RAB9A: variants seen among roughly 807,000 people sequenced by gnomAD.
RAB9A encodes the protein ras-related protein Rab-9A.
RAB9A carries 1 observed loss-of-function variant against 10.3 expected under a neutral mutation model. The observed-to-expected ratio is 0.10, with a 90% confidence interval of 0.03 to 0.46. RAB9A has a LOEUF of 0.46. RAB9A is among the 20% of genes least tolerant of loss of function. RAB9A has a pLI of 0.96. For synonymous variants in RAB9A, 39 were observed against 55.2 expected (o/e 0.71, Z 1.30); for missense variants, 92 against 150.3 (o/e 0.61, Z 2.03).
chrX:13,705,128 A>G (rs2146753811), intron 2 of RAB9A, among the ~76,000 whole-genome samples: 1 of 112,088 alleles, frequency 8.9e-6, no homozygotes, highest in Non-Finnish European at 1.9e-5. Flanking sequence ...TTTTAAAGAA[A>G]AAATAATATT....
At chrX:13,693,673 C>A (rs773492763) in intron 1 of RAB9A, among the ~76,000 whole-genome samples, 3 of 112,036 alleles carry the variant, frequency 2.7e-5, no homozygotes, top group Admixed American at 9.4e-5. Context: ...ATGGTGAGTT[C>A]AGGCGTTGTT....
In RAB9A at chrX:13,689,165, C is replaced by G. The variant is rs1203256767; in HGVS notation, c.-239C>G. On this transcript the variant is annotated 5_prime_UTR_variant, in exon 1 of 3. Coordinates refer to ENST00000464506, the MANE Select transcript of RAB9A (RefSeq NM_004251.5). ...CCGCGCTGGACGGGAGCAGCTGGAGCGGGAGCCTGGCTGCGCTACCGCGGC... is the reference window on the plus strand; with the variant it reads ...CCGCGCTGGACGGGAGCAGCTGGAGGGGGAGCCTGGCTGCGCTACCGCGGC... 1 of 113,203 alleles carries G rather than the reference C, an allele frequency of 8.8e-6. No homozygotes were observed. Among genetic ancestry groups the G allele is most frequent in the Non-Finnish European group, 1.9e-5 (1 of 53,314 alleles). 9.3% of individuals were successfully genotyped at this position (113,203 alleles called of 1,213,427 possible).
At chrX:13,702,936 CA>C in intron 1 of RAB9A, among the ~76,000 whole-genome samples, 1 of 112,062 alleles carries the variant, frequency 8.9e-6, no homozygotes, top group Non-Finnish European at 1.9e-5. Context: ...ATCGTTCTAC[CA>C]AATGGTAAGC....
intron 1 of RAB9A, among the ~76,000 whole-genome samples, chrX:13,690,035 C>G (rs1436974300): frequency 9.4e-6 from 1 of 106,052 alleles, no homozygotes; most frequent in Non-Finnish European, 1.9e-5. Flanking sequence ...AACTTTTCTG[C>G]TAGTTTCCAA....
chrX:13,699,675 C>G (rs1344135337), intron 1 of RAB9A, among the ~76,000 whole-genome samples: 1 of 112,331 alleles, frequency 8.9e-6, no homozygotes, highest in African/African-American at 3.2e-5. Context: ...ATTGTCATAG[C>G]TGTCGAAGTA....
At chrX:13,701,489 G>C (rs1438775700) in intron 1 of RAB9A, among the ~76,000 whole-genome samples, 2 of 111,050 alleles carry the variant, frequency 1.8e-5, no homozygotes, top group Non-Finnish European at 3.8e-5. Context: ...CATTTTTTTG[G>C]TGCAATCTAA....
At chrX:13,691,272 A>G (rs1300303434) in intron 1 of RAB9A, among the ~76,000 whole-genome samples, 1 of 111,168 alleles carries the variant, frequency 9.0e-6, no homozygotes, top group East Asian at 2.8e-4. Flanking sequence ...GTAGTTTTTC[A>G]AATGCAATGT....
At chrX:13,692,364 T>C (rs1333365631) in intron 1 of RAB9A, among the ~76,000 whole-genome samples, 1 of 111,882 alleles carries the variant, frequency 8.9e-6, no homozygotes, top group Non-Finnish European at 1.9e-5. Context: ...CAGAAGTACC[T>C]GTGTCATGGT....
chrX:13,702,635 G>A (rs1229248576), intron 1 of RAB9A, among the ~76,000 whole-genome samples: 1 of 112,107 alleles, frequency 8.9e-6, no homozygotes, highest in Non-Finnish European at 1.9e-5. Flanking sequence ...GTGGCATGGG[G>A]AATCTGAGTG....
At chrX:13,692,597 A>T (rs1213357916) in intron 1 of RAB9A, among the ~76,000 whole-genome samples, 1 of 112,067 alleles carries the variant, frequency 8.9e-6, no homozygotes, top group African/African-American at 3.3e-5. Flanking sequence ...TGGCTTTTCC[A>T]TAACTTTCTG....
chrX:13,699,860 A>C (rs1178815006), intron 1 of RAB9A, among the ~76,000 whole-genome samples: 7 of 112,522 alleles, frequency 6.2e-5, no homozygotes, highest in Non-Finnish European at 1.3e-4. Flanking sequence ...AATAATAAAT[A>C]AATGAATTTA....
chrX:13,696,084 C>A (rs1033131606), intron 1 of RAB9A, among the ~76,000 whole-genome samples: 1 of 110,074 alleles, frequency 9.1e-6, no homozygotes, highest in East Asian at 2.8e-4. Flanking sequence ...GACACTTTCC[C>A]AGTTAGACCT....
intron 2 of RAB9A, 80 bp downstream of exon 2, chrX:13,703,982 T>C (rs1230913219): frequency 8.9e-6 from 1 of 111,880 alleles, no homozygotes; most frequent in African/African-American, 3.3e-5. Context: ...CTCATGGCAT[T>C]TGGTGCCAGG....
At chrX:13,690,206 T>C (rs761123548) in intron 1 of RAB9A, among the ~76,000 whole-genome samples, 2 of 112,048 alleles carry the variant, frequency 1.8e-5, no homozygotes, top group Non-Finnish European at 3.8e-5. Flanking sequence ...AGCTGTCCAG[T>C]GTAGCAAAAC....
chrX:13,697,203 T>C (rs2046151744), intron 1 of RAB9A, among the ~76,000 whole-genome samples: 1 of 112,017 alleles, frequency 8.9e-6, no homozygotes, highest in Admixed American at 9.5e-5. Flanking sequence ...TGGTTTCTTA[T>C]CGAACTGGAA....
At chrX:13,707,674 T>A (rs1162679904) in intron 2 of RAB9A, among the ~76,000 whole-genome samples, 1 of 112,287 alleles carries the variant, frequency 8.9e-6, no homozygotes, top group Admixed American at 9.5e-5. Flanking sequence ...TATTTCATTC[T>A]ACCTGAAAAC....
rs748904284 is a variant in RAB9A at position 13,710,466 on chromosome X, T to G, written c.*1114T>G. On this transcript the variant is annotated 3_prime_UTR_variant, in exon 3 of 3. Coordinates refer to ENST00000464506, the MANE Select transcript of RAB9A (RefSeq NM_004251.5). ...AAAAGACTTGTTGCAGTGATCAGAC[T>G]TGATAAAGCAAATTGTGGTCTTTTG... 1.6e-5 allele frequency: 2 copies of G among 123,542 alleles called. No individual in the cohort carries two copies. The highest frequency in any genetic ancestry group is 5.6e-4 in the East Asian group (2 of 3,575). 10.2% of individuals were successfully genotyped at this position (123,542 alleles called of 1,213,427 possible).
At chrX:13,703,217 G>GCCTA (rs2046182121) in intron 1 of RAB9A, among the ~76,000 whole-genome samples, 3 of 112,634 alleles carry the variant, frequency 2.7e-5, no homozygotes, top group South Asian at 7.3e-4. Context: ...GATTGACGTA[G>GCCTA]CCTAGTGGGT....
intron 1 of RAB9A, among the ~76,000 whole-genome samples, chrX:13,696,878 G>GATAATGACA (rs2046150363): frequency 8.0e-5 from 9 of 111,827 alleles, no homozygotes; most frequent in African/African-American, 2.9e-4. Flanking sequence ...GCAGACCTGG[G>GATAATGACA]GGGATCATTG....
Sources: gnomAD v4.1 joint callset for allele counts (sites outside exome capture counted in the v4.1 genomes callset) on GRCh38, gnomAD v4.1.1 for gene constraint, MANE v1.5 for transcripts, NCBI Gene and HGNC (gene_info 2026-07-23, HGNC 2026-07-21) for gene names.